Variants in EMC8 observed in about 807,000 individuals in gnomAD.
EMC8 encodes COX4 neighbor.
In EMC8, 11 loss-of-function variants were observed where a neutral mutation model predicts 24.3. The ratio of observed to expected loss-of-function variants is 0.45; its 90% confidence interval spans 0.28 to 0.75. EMC8 has a LOEUF of 0.75. EMC8 is among the 30% of genes least tolerant of loss of function. EMC8 has a pLI of 0.12. For missense variants in EMC8, 277 were observed against 282.7 expected (o/e 0.98, Z 0.14); for synonymous variants, 145 against 117.7 (o/e 1.23, Z -1.50).
intron 2 of EMC8, among the ~76,000 whole-genome samples, chr16:85,782,480 T>C (rs960488942): frequency 1.3e-5 from 2 of 152,226 alleles, no homozygotes; most frequent in African/African-American, 2.4e-5. Flanking sequence ...GCCTTATTTA[T>C]ATTCTTTCTG....
intron 2 of EMC8, among the ~76,000 whole-genome samples, chr16:85,783,808 G>C (rs1904624200): frequency 6.6e-6 from 1 of 152,098 alleles, no homozygotes; most frequent in Non-Finnish European, 1.5e-5. Flanking sequence ...CAGAAGACAT[G>C]CCACCCTCAC....
rs1416811080 is a variant in EMC8, at chr16:85,799,192, T to C, written c.104A>G (p.Gln35Arg). The change falls in exon 1 of 5, where the codon CAG becomes CGG. Residue 35 changes from glutamine to arginine, a missense_variant. Coordinates refer to ENST00000253457, the MANE Select transcript of EMC8 (RefSeq NM_006067.5). This position sits in a 1 kb window ranked among gnomAD's most constrained non-coding sequence, Gnocchi z 4.2. Reference protein sequence around the residue: ...AVNGLLVAEKQKPRKEHLPLG... With the variant: ...AVNGLLVAEKRKPRKEHLPLG... Reference sequence around the variant, plus strand: ...GGGGAGGTGCTCCTTACGCGGCTTCTGCTTCTCGGCCACCAGGAGCCCGTT... The same window carrying C: ...GGGGAGGTGCTCCTTACGCGGCTTCCGCTTCTCGGCCACCAGGAGCCCGTT... 12 of 1,613,162 alleles carry C rather than the reference T, an allele frequency of 7.4e-6. No individual in the cohort carries two copies. Among genetic ancestry groups the C allele is most frequent in the Non-Finnish European group, 1.0e-5 (12 of 1,179,796 alleles).
At chr16:85,798,153 G>C (rs1283563466) in intron 1 of EMC8, among the ~76,000 whole-genome samples, 1 of 103,522 alleles carries the variant, frequency 9.7e-6, no homozygotes, top group African/African-American at 3.8e-5. Context: ...ACGGAGTCTT[G>C]CTCTGTCACC....
chr16:85,790,269 A>C (rs1904943311), intron 1 of EMC8, among the ~76,000 whole-genome samples: 1 of 152,080 alleles, frequency 6.6e-6, no homozygotes, highest in Non-Finnish European at 1.5e-5. Context: ...CTTCACGACC[A>C]AAAGCAGACA....
chr16:85,793,019 T>C (rs1905082909), intron 1 of EMC8: 1 of 152,252 alleles, frequency 6.6e-6, no homozygotes. Context: ...TTTCATTTAC[T>C]TTTTAGAGAG....
At chr16:85,790,117 G>C (rs1904936261) in intron 1 of EMC8, among the ~76,000 whole-genome samples, 1 of 151,578 alleles carries the variant, frequency 6.6e-6, no homozygotes, top group Admixed American at 6.6e-5. Flanking sequence ...TCTATTCTCA[G>C]TCTGCACAAG....
In EMC8 at chr16:85,799,198, T is replaced by C; in HGVS notation, c.98A>G (p.Glu33Gly). 6.2e-7 allele frequency: 1 copy of C among 1,613,326 alleles called. No homozygotes were observed. The highest frequency in any genetic ancestry group is 8.5e-7 in the Non-Finnish European group (1 of 1,179,834). ...GTGCTCCTTACGCGGCTTCTGCTTC[T>C]CGGCCACCAGGAGCCCGTTGACGGC... is the stretch of plus-strand genomic sequence containing the variant. ...HCAVNGLLVA[E>G]KQKPRKEHLP... Residue 33 changes from glutamate to glycine, a missense_variant, in exon 1 of 5, where the codon GAG becomes GGG. Coordinates refer to ENST00000253457, the MANE Select transcript of EMC8 (RefSeq NM_006067.5). This position sits in a 1 kb window ranked among gnomAD's most constrained non-coding sequence, Gnocchi z 4.2.
rs554724117 is a variant in EMC8 at position 85,798,271 on chromosome 16, G to A, written c.231+794C>T. 5.3e-5 allele frequency among the ~76,000 whole-genome samples: 8 copies of A among 151,958 alleles called. No homozygotes were observed. The South Asian group carries it at 1.2e-3, about 24-fold the overall frequency. Reference sequence around the variant, plus strand: ...CGAGTGGCTGGGATGACAGGCGCCCGCCACCACGCCCGGCTAAGTTTTGTA... The same window carrying A: ...CGAGTGGCTGGGATGACAGGCGCCCACCACCACGCCCGGCTAAGTTTTGTA... On this transcript the variant is annotated intron_variant, in intron 1 of 4. Transcript: ENST00000253457.
intron 1 of EMC8, among the ~76,000 whole-genome samples, chr16:85,797,318 G>T (rs1187927039): frequency 6.6e-6 from 1 of 152,200 alleles, no homozygotes. Flanking sequence ...TGAAGCAGAA[G>T]AATCACCTGA....
At chr16:85,781,987 C>CA (rs1904527479) in intron 2 of EMC8, 1 of 152,438 alleles carries the variant, frequency 6.6e-6, no homozygotes. Flanking sequence ...TAATGGGGCG[C>CA]ACCGTGTAAA....
At chr16:85,780,175 G>A (rs1357785449) in intron 4 of EMC8, 2 of 606,062 alleles carry the variant, frequency 3.3e-6, no homozygotes, top group East Asian at 2.7e-5. Context: ...AGCGCCTGGG[G>A]TGGGAAGACC....
intron 2 of EMC8, 101 bp downstream of exon 2, chr16:85,788,873 G>C: frequency 1.2e-6 from 1 of 808,866 alleles, no homozygotes; most frequent in Non-Finnish European, 2.2e-6. Flanking sequence ...AAGGGGTGTA[G>C]GTCTCACAGG....
chr16:85,794,300 C>T (rs1185106202), intron 1 of EMC8, among the ~76,000 whole-genome samples: 1 of 152,066 alleles, frequency 6.6e-6, no homozygotes, highest in Non-Finnish European at 1.5e-5. Context: ...GCAAATTTTC[C>T]CCTGTAACTT....
intron 1 of EMC8, among the ~76,000 whole-genome samples, chr16:85,798,217 G>C (rs1457112035): frequency 1.4e-5 from 2 of 142,048 alleles, no homozygotes; most frequent in Non-Finnish European, 3.0e-5. Context: ...TGCCTCCTGG[G>C]TTCAAGCGAT....
chr16:85,779,150 C>T lies in EMC8; in HGVS notation c.*558G>A, dbSNP rs1334921310. ...TTGCGGTGGCTCTGTGAGCCGACAC[C>T]ATGTGGAGCAGTGCTGTTCACAGCC... On this transcript the variant is annotated 3_prime_UTR_variant, in exon 5 of 5. Coordinates refer to ENST00000253457, the MANE Select transcript of EMC8 (RefSeq NM_006067.5). 1 of 152,326 alleles carries T rather than the reference C, an allele frequency of 6.6e-6. No homozygotes were observed. The highest frequency in any genetic ancestry group is 1.5e-5 in the Non-Finnish European group (1 of 68,212). The allele number at this position is 152,326 out of a possible 1,614,324, so 9.4% of individuals were successfully genotyped here.
intron 3 of EMC8, chr16:85,780,675 T>C: frequency 3.4e-6 from 2 of 583,844 alleles, no homozygotes; most frequent in East Asian, 5.7e-5. Flanking sequence ...AAGTCCTTCA[T>C]TGTTTTTTCA....
At chr16:85,798,331 A>G (rs938552865) in intron 1 of EMC8, among the ~76,000 whole-genome samples, 3 of 152,088 alleles carry the variant, frequency 2.0e-5, no homozygotes, top group African/African-American at 7.2e-5. Context: ...CATGTTGGTC[A>G]GGCTGGTCTC....
At chr16:85,797,923 T>C (rs1204385265) in intron 1 of EMC8, among the ~76,000 whole-genome samples, 4 of 152,204 alleles carry the variant, frequency 2.6e-5, no homozygotes, top group Non-Finnish European at 2.9e-5. Context: ...ATGGAATTTA[T>C]AGATGGTCTT....
Position 85,799,438 on chromosome 16 carries a change from A to G in EMC8, c.-143T>C. The G allele has an allele frequency of 4.4e-6, 2 of 451,146 alleles. No individual in the cohort carries two copies. Among genetic ancestry groups the G allele is most frequent in the Non-Finnish European group, 7.5e-6 (2 of 266,322 alleles). 27.9% of individuals were successfully genotyped at this position (451,146 alleles called of 1,614,324 possible). A position where few individuals can be genotyped will look rare whatever the true frequency, so the allele number is the denominator to read the frequency against. On this transcript the variant is annotated 5_prime_UTR_variant, in exon 1 of 5. Transcript: ENST00000253457. This position sits in a 1 kb window ranked among gnomAD's most constrained non-coding sequence, Gnocchi z 4.2. ...GCCGCGGGCTGGCGGGGGACCCTTC[A>G]GGCCCGGCCCCGTTTGGGCCTCGGC...
Sources: gnomAD v4.1 joint callset for allele counts (sites outside exome capture counted in the v4.1 genomes callset) on GRCh38, gnomAD v4.1.1 for gene constraint, Gnocchi (gnomAD v3.1) non-coding constraint, MANE v1.5 for transcripts, NCBI Gene and HGNC (gene_info 2026-07-23, HGNC 2026-07-21) for gene names.